FGFR4: variants seen among roughly 807,000 people sequenced by gnomAD.
FGFR4 encodes fibroblast growth factor receptor 4, also known as hydroxyaryl-protein kinase.
FGFR4 carries 63 observed loss-of-function variants against 89.9 expected under a neutral mutation model. The ratio of observed to expected loss-of-function variants is 0.70; its 90% CI spans 0.57 to 0.86. The LOEUF (loss-of-function observed/expected upper bound fraction) is 0.86. Among genes scored for constraint, FGFR4 ranks in the 40% least tolerant of loss-of-function variants. FGFR4 has a pLI of 0.00. For missense variants in FGFR4, 928 were observed against 1,106.7 expected, an observed-to-expected ratio of 0.84 and a Z score of 2.29; for synonymous variants, 486 against 479.4, an observed-to-expected ratio of 1.01 and a Z score of -0.18.
chr5:177,094,094 ATAAAAG>A (rs1784465367), intron 11 of FGFR4, among the ~76,000 whole-genome samples: 1 of 152,052 alleles, frequency 6.6e-6, no homozygotes, highest in Non-Finnish European at 1.5e-5. Flanking sequence ...ATAAATAAAA[ATAAAAG>A]GTGAACGTGG....
chr5:177,090,245 G>T (rs1363726470), intron 2 of FGFR4, 145 bp from the exon 3 acceptor site: 1 of 1,151,662 alleles, frequency 8.7e-7, no homozygotes. Context: ...CGCAGCATGT[G>T]GCTGTGTGGG....
At position 177,095,543 on chromosome 5, in the gene FGFR4, C is replaced by T. The variant is rs781092287; in HGVS notation, c.1641C>T (p.Tyr547=). 1.1e-5 allele frequency: 17 copies of T among 1,610,904 alleles called. No homozygotes were observed. Among genetic ancestry groups the T allele is most frequent in the South Asian group, 4.4e-5 (4 of 90,810 alleles). ...LGVCTQEGPL[Y]VIVECAAKGN... ...CCACTCCCTCTGCAGGGCCCCTGTA[C>T]GTGATCGTGGAGTGCGCCGCCAAGG... is the stretch of plus-strand genomic sequence containing the variant. The change falls in exon 13 of 18, where the codon TAC becomes TAT. Residue 547 remains tyrosine (Y), a synonymous_variant. Transcript: ENST00000292408. This position sits in a 1 kb window ranked among gnomAD's most constrained non-coding sequence, Gnocchi z 5.7.
chr5:177,092,886 C>A (rs1784417792), intron 8 of FGFR4, 102 bp downstream of exon 8: 1 of 1,571,030 alleles, frequency 6.4e-7, no homozygotes. Context: ...CCTGTGGGGT[C>A]TGGCCTGGGG....
At chr5:177,092,919 T>G in intron 8 of FGFR4, 135 bp downstream of exon 8, 2 of 1,446,680 alleles carry the variant, frequency 1.4e-6, no homozygotes, top group African/African-American at 1.4e-5. Context: ...ATTTGTGGGT[T>G]TGAGCTGTAT....
chr5:177,092,430 C>T lies in FGFR4; in HGVS notation c.837C>T (p.Pro279=), dbSNP rs2149733888. 1 of 1,606,398 alleles carries T rather than the reference C, an allele frequency of 6.2e-7. No individual in the cohort carries two copies. The highest frequency in any genetic ancestry group is 1.7e-4 in the Middle Eastern group (1 of 6,050). ...GCAAGGTGTACAGCGATGCCCAGCCCCACATCCAGTGGCTGAAGCACATCG... is the reference window on the plus strand; with the variant it reads ...GCAAGGTGTACAGCGATGCCCAGCCTCACATCCAGTGGCTGAAGCACATCG... The part of the protein sequence containing the change: ...LLCKVYSDAQ[P]HIQWLKHIVI... The change falls in exon 7 of 18, where the codon CCC becomes CCT. Residue 279 remains proline (P), a synonymous_variant. Transcript: ENST00000292408.
At chr5:177,090,071 C>G in intron 2 of FGFR4, 1 of 668,946 alleles carries the variant, frequency 1.5e-6, no homozygotes, top group Non-Finnish European at 2.7e-6. Context: ...CAGCATGACC[C>G]TGTATGTGGC....
chr5:177,096,880 C>T (rs1482901760), intron 16 of FGFR4, 139 bp downstream of exon 16: 20 of 925,912 alleles, frequency 2.2e-5, no homozygotes, highest in Non-Finnish European at 2.8e-5. Context: ...TCCTCTTCCT[C>T]CTCCTCCTCT....
chr5:177,094,427 G>A (rs1360618715), intron 11 of FGFR4, among the ~76,000 whole-genome samples: 1 of 152,104 alleles, frequency 6.6e-6, no homozygotes, highest in African/African-American at 2.4e-5. Context: ...GTCAGCATTA[G>A]TCTGTGTCAG....
At position 177,087,024 on chromosome 5, in the gene FGFR4, G is replaced by GAGGAGCCAGGTGAGC. The variant is rs1554162435; in HGVS notation, c.-102_-88dup. 1 of 151,532 alleles carries GAGGAGCCAGGTGAGC rather than the reference G, an allele frequency of 6.6e-6. No individual in the cohort carries two copies. Among genetic ancestry groups the GAGGAGCCAGGTGAGC allele is most frequent in the African/African-American group, 2.4e-5 (1 of 40,958 alleles). 9.4% of individuals were successfully genotyped at this position (151,532 alleles called of 1,614,324 possible). Reference sequence around the variant, plus strand: ...TGAGGCGGCGGAGGAGCCAGGTGAGGAGGAGCCAGGTGAGCAGGACCCTGT... The same window carrying GAGGAGCCAGGTGAGC: ...TGAGGCGGCGGAGGAGCCAGGTGAGGAGGAGCCAGGTGAGCAGGAGCCAGGTGAGCAGGACCCTGT... On this transcript the variant is annotated 5_prime_UTR_variant, in exon 1 of 18. Transcript: ENST00000292408. The surrounding 1 kb of genome is among the most constrained non-coding windows in gnomAD (Gnocchi z 6.1).
At chr5:177,088,432 G>A (rs1208893974) in intron 1 of FGFR4, 2 of 198,228 alleles carry the variant, frequency 1.0e-5, no homozygotes, top group East Asian at 7.7e-5. Flanking sequence ...GCCCATGCAA[G>A]AGATGGCCAT....
chr5:177,090,361 G>A, intron 2 of FGFR4, 29 bp from the exon 3 acceptor site: 8 of 1,599,624 alleles, frequency 5.0e-6, no homozygotes, highest in South Asian at 2.2e-5. Context: ...GGGCTGCGGG[G>A]TCTGCTGACC....
chr5:177,093,154 G>A lies in FGFR4; in HGVS notation c.1074G>A (p.Trp358Ter), dbSNP rs1168418391. 6.2e-7 allele frequency: 1 copy of A among 1,613,954 alleles called. No homozygotes were observed. The highest frequency in any genetic ancestry group is 1.3e-5 in the African/African-American group (1 of 74,926). ...CGAGGGCAGAGGAGGACCCCACATGGACCGCAGCAGCGCCCGAGGCCAGGT... is the reference window on the plus strand; with the variant it reads ...CGAGGGCAGAGGAGGACCCCACATGAACCGCAGCAGCGCCCGAGGCCAGGT... ...LTVLPEEDPT[W>*]TAAAPEARYT... is the part of the protein sequence containing the mutation. Residue 358 changes from tryptophan to a stop codon, truncating the protein, a stop_gained, in exon 9 of 18, where the codon TGG (tryptophan) becomes TGA (stop). Transcript: ENST00000292408. LOFTEE classifies it high-confidence loss of function. This position sits in a 1 kb window ranked among gnomAD's most constrained non-coding sequence, Gnocchi z 5.8.
chr5:177,095,065 G>GA lies in FGFR4; in HGVS notation c.1520-263dup. 2.2e-6 allele frequency: 1 copy of GA among 465,112 alleles called. No homozygotes were observed. The highest frequency in any genetic ancestry group is 2.0e-5 in the African/African-American group (1 of 50,912). 28.8% of individuals were successfully genotyped at this position (465,112 alleles called of 1,614,324 possible). ...TCCTGTGTCCTGGGCCTGCCCGCTG[G>GA]AAGGCCTGCCTCTTAGATCCTTGAT... On this transcript the variant is annotated intron_variant, in intron 11 of 17. Coordinates refer to ENST00000292408, the MANE Select transcript of FGFR4 (RefSeq NM_213647.3). This position sits in a 1 kb window ranked among gnomAD's most constrained non-coding sequence, Gnocchi z 5.7.
rs750069509 is a variant in FGFR4, at chr5:177,095,577, C to T, written c.1675C>T (p.Arg559Trp). 6.2e-7 allele frequency: 1 copy of T among 1,609,376 alleles called. No homozygotes were observed. The highest frequency in any genetic ancestry group is 8.5e-7 in the Non-Finnish European group (1 of 1,178,444). ...IVECAAKGNL[R>W]EFLRARRPPG... is the part of the protein sequence containing the mutation. ...GGAGTGCGCCGCCAAGGGAAACCTG[C>T]GGGAGTTCCTGCGGGCCCGGCGCCC... Residue 559 changes from arginine (R) to tryptophan (W), a missense_variant, in exon 13 of 18, where the codon CGG (arginine) becomes TGG (tryptophan). Arg to Trp is a moderately radical substitution (Grantham distance 101). This residue lies in a region of FGFR4 where 741 missense variants were observed against 836.9 expected (regional missense o/e 0.89). Transcript: ENST00000292408. The surrounding 1 kb of genome is among the most constrained non-coding windows in gnomAD (Gnocchi z 5.7).
chr5:177,092,984 G>T, intron 8 of FGFR4, 154 bp from the exon 9 acceptor site: 2 of 1,278,660 alleles, frequency 1.6e-6, no homozygotes, highest in Non-Finnish European at 2.2e-6. Context: ...GTCTGCTGAG[G>T]TGTGGGTGCC....
chr5:177,094,106 C>A (rs1002197930), intron 11 of FGFR4, among the ~76,000 whole-genome samples: 1 of 151,810 alleles, frequency 6.6e-6, no homozygotes, highest in African/African-American at 2.4e-5. Flanking sequence ...AAAAGGTGAA[C>A]GTGGCAGCCT....
In FGFR4 at chr5:177,093,727, C is replaced by G. The variant is rs370317404; in HGVS notation, c.1471C>G (p.Pro491Ala). 3.1e-6 allele frequency: 5 copies of G among 1,613,810 alleles called. No individual in the cohort carries two copies. The African/African-American group carries it at 6.7e-5, about 22-fold the overall frequency. Residue 491 changes from proline (P) to alanine (A), a missense_variant, in exon 11 of 18, where the codon CCT becomes GCT. Coordinates refer to ENST00000292408, the MANE Select transcript of FGFR4 (RefSeq NM_213647.3). This position sits in a 1 kb window ranked among gnomAD's most constrained non-coding sequence, Gnocchi z 5.8. The part of the protein sequence containing the change: ...VVRAEAFGMD[P>A]ARPDQASTVA... ...ACGTGCAGAGGCCTTTGGCATGGAC[C>G]CTGCCCGGCCTGACCAAGCCAGCAC...
Position 177,097,657 on chromosome 5 carries a change from G to T in FGFR4, c.2390G>T (p.Gly797Val). The change falls in exon 18 of 18, where the codon GGG (glycine) becomes GTG (valine). Residue 797 changes from glycine to valine, a missense_variant. By Grantham distance (109) the Gly-to-Val change is moderately radical. Transcript: ENST00000292408. The stretch of plus-strand genomic sequence containing the variant: ...TTGGGATCCAGCTCCTTCCCCTTCG[G>T]GTCTGGGGTGCAGACATGAGCAAGG... ...LPLGSSSFPF[G>V]SGVQT 1 of 1,614,138 alleles carries T rather than the reference G, an allele frequency of 6.2e-7. No homozygotes were observed. The highest frequency in any genetic ancestry group is 1.3e-5 in the African/African-American group (1 of 75,064).
chr5:177,097,225 C>T (rs1784635198), intron 16 of FGFR4, 67 bp from the exon 17 acceptor site: 1 of 1,344,862 alleles, frequency 7.4e-7, no homozygotes, highest in South Asian at 1.4e-5. Flanking sequence ...ACCCAGAGAA[C>T]CCCCGGTCCT....
Sources: allele counts gnomAD v4.1 joint callset (sites outside exome capture counted in the v4.1 genomes callset), GRCh38; gene constraint gnomAD v4.1.1; regional missense constraint gnomAD v4.1.1; non-coding constraint Gnocchi (gnomAD v3.1); transcripts MANE v1.5; gene names NCBI Gene and HGNC (gene_info 2026-07-23, HGNC 2026-07-21).